FARS2: variants seen among roughly 807,000 people sequenced by gnomAD.
The protein encoded by FARS2 is phenylalanyl-tRNA synthetase 2, mitochondrial, also known as phenylalanine--tRNA ligase, mitochondrial.
FARS2 carries 40 observed loss-of-function variants against 46.4 expected under a neutral mutation model. The observed-to-expected ratio is 0.86, with a 90% CI of 0.67 to 1.12. FARS2 has a LOEUF of 1.12. FARS2 is among the 50% of genes most tolerant of loss of function. The pLI is 0.00. For missense variants in FARS2, 513 were observed against 567.9 expected, an observed-to-expected ratio of 0.90 and a Z score of 0.98; for synonymous variants, 234 against 214.9, an observed-to-expected ratio of 1.09 and a Z score of -0.78.
intron 6 of FARS2, among the ~76,000 whole-genome samples, chr6:5,697,834 G>C (rs1237987310): frequency 6.6e-6 from 1 of 152,186 alleles, no homozygotes; most frequent in East Asian, 1.9e-4. Flanking sequence ...CATGAAGTGA[G>C]AGGTCTGAAA....
At chr6:5,333,437 T>C (rs185343623) in intron 1 of FARS2, among the ~76,000 whole-genome samples, 2 of 152,228 alleles carry the variant, frequency 1.3e-5, no homozygotes, top group Non-Finnish European at 2.9e-5. Flanking sequence ...GTGCTGCTTC[T>C]TCCAGTTTGA....
At chr6:5,443,195 G>A (rs190506409) in intron 4 of FARS2, among the ~76,000 whole-genome samples, 7 of 152,176 alleles carry the variant, frequency 4.6e-5, no homozygotes, top group African/African-American at 9.6e-5. Flanking sequence ...AAACAGTAAC[G>A]CCAAAAACAC....
At position 5,516,475 on chromosome 6, in the gene FARS2, G is replaced by A. The variant is rs115976144; in HGVS notation, c.905-28705G>A. Among the ~76,000 whole-genome samples the A allele has an allele frequency of 8.3e-3, 1,266 of 152,320 alleles. 14 individuals are homozygous for A. The highest frequency in any genetic ancestry group is 0.028 in the African/African-American group (1,183 of 41,560). On this transcript the variant is annotated intron_variant, in intron 4 of 6. Transcript: ENST00000274680. ...TTGATTAATGTGCATAGTTGACACA[G>A]CCACAGAAGCGGAGTGCTGTAACGA...
intron 2 of FARS2, among the ~76,000 whole-genome samples, chr6:5,402,516 TAA>T (rs936296396): frequency 6.6e-6 from 1 of 152,154 alleles, no homozygotes; most frequent in Non-Finnish European, 1.5e-5. Context: ...TTTGGTTGTG[TAA>T]AAGACTTCCT....
intron 6 of FARS2, among the ~76,000 whole-genome samples, chr6:5,766,896 A>C (rs1289300586): frequency 6.6e-6 from 1 of 151,402 alleles, no homozygotes; most frequent in East Asian, 1.9e-4. Context: ...TGTAAATGGA[A>C]TTGTACAATA....
intron 6 of FARS2, among the ~76,000 whole-genome samples, chr6:5,710,078 T>G (rs994138573): frequency 6.6e-6 from 1 of 152,238 alleles, no homozygotes; most frequent in Non-Finnish European, 1.5e-5. Context: ...TGGTTGGGCC[T>G]GCCCAGCAGC....
chr6:5,562,215 C>A (rs1022732195), intron 5 of FARS2, among the ~76,000 whole-genome samples: 1 of 151,932 alleles, frequency 6.6e-6, no homozygotes, highest in African/African-American at 2.4e-5. Context: ...TGCTCATTTC[C>A]CCCCATTTTT....
At position 5,684,319 on chromosome 6, in the gene FARS2, C is replaced by T. The variant is rs944897960; in HGVS notation, c.1217+70999C>T. ...CCCTCACCTGGTTCTGCCGCACGCC[C>T]ATCACCTGCCCAGCCCTGCGCACTA... is the stretch of plus-strand genomic sequence containing the variant. On this transcript the variant is annotated intron_variant, in intron 6 of 6. Coordinates refer to ENST00000274680, the MANE Select transcript of FARS2 (RefSeq NM_006567.5). Among the ~76,000 whole-genome samples, 6 of 152,146 alleles carry T rather than the reference C, an allele frequency of 3.9e-5. 1 individual carries two copies. The highest frequency in any genetic ancestry group is 1.4e-4 in the African/African-American group (6 of 41,426).
At chr6:5,592,544 A>G (rs1384509446) in intron 5 of FARS2, among the ~76,000 whole-genome samples, 2 of 152,172 alleles carry the variant, frequency 1.3e-5, no homozygotes, top group East Asian at 3.8e-4. Flanking sequence ...TTACAGTAGA[A>G]AATTCACCAA....
rs181069317 is a variant in FARS2 at position 5,343,013 on chromosome 6, A to G, written c.-21-25537A>G. 1.3e-3 allele frequency among the ~76,000 whole-genome samples: 195 copies of G among 152,290 alleles called. 3 individuals carry two copies. The highest frequency in any genetic ancestry group is 3.4e-3 in the Middle Eastern group (1 of 294). ...GGCCCGTCATCGACAGAAGGCAGCT[A>G]GTGCCTTACAAGAAAACAGACAAAA... On this transcript the variant is annotated intron_variant, in intron 1 of 6. Transcript: ENST00000274680. This position sits in a 1 kb window ranked among gnomAD's most constrained non-coding sequence, Gnocchi z 4.5.
At chr6:5,366,752 C>T (rs1299429292) in intron 1 of FARS2, among the ~76,000 whole-genome samples, 2 of 152,202 alleles carry the variant, frequency 1.3e-5, no homozygotes, top group East Asian at 3.8e-4. Flanking sequence ...GAGAACAATT[C>T]TGAACTTTGT....
chr6:5,625,784 C>G (rs1776001230), intron 6 of FARS2, among the ~76,000 whole-genome samples: 1 of 152,198 alleles, frequency 6.6e-6, no homozygotes, highest in Non-Finnish European at 1.5e-5. Context: ...ACAGCAGAAT[C>G]ATCAGCAAGG....
chr6:5,455,333 T>G (rs1485369858), intron 4 of FARS2, among the ~76,000 whole-genome samples: 1 of 152,186 alleles, frequency 6.6e-6, no homozygotes, highest in East Asian at 1.9e-4. Flanking sequence ...AGGGAAAATT[T>G]TTGAAGCTTG....
intron 3 of FARS2, among the ~76,000 whole-genome samples, chr6:5,427,104 C>T (rs1762897460): frequency 6.6e-6 from 1 of 152,020 alleles, no homozygotes; most frequent in East Asian, 1.9e-4. Context: ...GTTGACACAT[C>T]ATTGTACACA....
chr6:5,395,849 C>T (rs951130824), intron 2 of FARS2, among the ~76,000 whole-genome samples: 2 of 152,060 alleles, frequency 1.3e-5, no homozygotes, highest in East Asian at 1.9e-4. Flanking sequence ...TGTAACCTTG[C>T]TTATTGAGGA....
intron 1 of FARS2, among the ~76,000 whole-genome samples, chr6:5,359,163 C>T (rs949701647): frequency 2.6e-5 from 4 of 151,540 alleles, no homozygotes. Context: ...CCTCAGCCTC[C>T]CCAGTAGCTG....
chr6:5,502,284 A>G (rs1021200515), intron 4 of FARS2, among the ~76,000 whole-genome samples: 4 of 152,226 alleles, frequency 2.6e-5, no homozygotes, highest in African/African-American at 9.6e-5. Context: ...CTTAGCCATT[A>G]TGTGTTAGAA....
At chr6:5,500,803 T>C (rs868677150) in intron 4 of FARS2, among the ~76,000 whole-genome samples, 11 of 150,354 alleles carry the variant, frequency 7.3e-5, no homozygotes, top group Non-Finnish European at 1.2e-4. Flanking sequence ...GGTAGAAGAG[T>C]TGAAAGGATA....
At chr6:5,725,305 G>A (rs1263590652) in intron 6 of FARS2, among the ~76,000 whole-genome samples, 1 of 152,246 alleles carries the variant, frequency 6.6e-6, no homozygotes, top group Non-Finnish European at 1.5e-5. Context: ...TTGGAAAGGA[G>A]CTTTGGAGGC....
Sources: gnomAD v4.1 joint callset for allele counts (sites outside exome capture counted in the v4.1 genomes callset) on GRCh38, gnomAD v4.1.1 for gene constraint, Gnocchi (gnomAD v3.1) non-coding constraint, MANE v1.5 for transcripts, NCBI Gene and HGNC (gene_info 2026-07-23, HGNC 2026-07-21) for gene names.